KIF14: variants seen among roughly 807,000 people sequenced by gnomAD.
KIF14 encodes kinesin-like protein KIF14.
In KIF14, 98 loss-of-function variants were observed where a neutral mutation model predicts 176.2. The ratio of observed to expected loss-of-function variants is 0.56; its 90% CI spans 0.47 to 0.66. The LOEUF (loss-of-function observed/expected upper bound fraction) is 0.66, where lower values mean the gene tolerates loss of function less well. Ranked by LOEUF, KIF14 falls within the 30% of genes least tolerant of loss-of-function variation. KIF14 has a pLI of 0.00. For synonymous variants in KIF14, 566 were observed against 632.2 expected (o/e 0.90, Z 1.57); for missense variants, 1,751 against 1,920.4 (o/e 0.91, Z 1.65).
chr1:200,575,077 C>G (rs1214050492), intron 22 of KIF14, among the ~76,000 whole-genome samples: 2 of 151,446 alleles, frequency 1.3e-5, no homozygotes, highest in African/African-American at 4.9e-5. Flanking sequence ...CTGCCTAAGC[C>G]TCCCGAGTAG....
intron 14 of KIF14, among the ~76,000 whole-genome samples, chr1:200,596,561 C>CTTTTTT (rs60386347): frequency 2.1e-4 from 22 of 102,708 alleles, no homozygotes; most frequent in Middle Eastern, 5.6e-3. Flanking sequence ...GTACAACAGT[C>CTTTTTT]TTTTTTTTTT....
intron 15 of KIF14, among the ~76,000 whole-genome samples, 166 bp downstream of exon 15, chr1:200,593,501 T>A (rs897597289): frequency 6.6e-6 from 1 of 152,214 alleles, no homozygotes; most frequent in Non-Finnish European, 1.5e-5. Flanking sequence ...ATGTAACTTT[T>A]GTCTTTGCAC....
chr1:200,575,684 C>A lies in KIF14; in HGVS notation c.3473G>T (p.Gly1158Val). 2 of 1,529,968 alleles carry A rather than the reference C, an allele frequency of 1.3e-6. No individual in the cohort carries two copies. The highest frequency in any genetic ancestry group is 1.3e-5 in the South Asian group (1 of 76,906). 94.8% of individuals were successfully genotyped at this position (1,529,968 alleles called of 1,614,324 possible). A position where few individuals can be genotyped will look rare whatever the true frequency, so the allele number is the denominator to read the frequency against. The change falls in exon 22 of 30, where the codon GGT becomes GTT. Residue 1158 changes from glycine (G) to valine (V), a missense_variant. Physicochemically the swap from Gly to Val is moderately radical, Grantham distance 109. Coordinates refer to ENST00000367350, the MANE Select transcript of KIF14 (RefSeq NM_014875.3). The stretch of plus-strand genomic sequence containing the variant: ...AAAGGCATCTTCACCCCTGTTACTA[C>A]CATTACTCTAAGAAAAATATAATAT... ...AAMKELYESN[G>V]SNRGEDAFCD...
rs768964035 is a variant in KIF14, at chr1:200,615,348, A to G, written c.1367+7T>C. The G allele has an allele frequency of 1.2e-6, 2 of 1,606,932 alleles. No homozygotes were observed. Among genetic ancestry groups the G allele is most frequent in the Non-Finnish European group, 1.7e-6 (2 of 1,176,582 alleles). ...TTCTGGATAATTGCATTTCCAATACAACTTACGTATATGATTTTCCAGAGC... is the reference window on the plus strand; with the variant it reads ...TTCTGGATAATTGCATTTCCAATACGACTTACGTATATGATTTTCCAGAGC... On this transcript the variant is annotated splice_region_variant and intron_variant, in intron 3 of 29. Coordinates refer to ENST00000367350, the MANE Select transcript of KIF14 (RefSeq NM_014875.3).
rs35571944 is a variant in KIF14, at chr1:200,575,522, T to TACAC, written c.3566+65_3566+68dup. ...GAAATAATATATATGATATACAATT[T>TACAC]ACACACACACACACACACACACATG... On this transcript the variant is annotated intron_variant, in intron 22 of 29. Transcript: ENST00000367350. 213 of 625,962 alleles carry TACAC rather than the reference T, an allele frequency of 3.4e-4. 1 individual carries two copies. Among genetic ancestry groups the TACAC allele is most frequent in the East Asian group, 2.6e-3 (89 of 34,168 alleles). 38.8% of individuals were successfully genotyped at this position (625,962 alleles called of 1,614,324 possible).
intron 17 of KIF14, 54 bp from the exon 18 acceptor site, chr1:200,589,423 A>T: frequency 6.9e-7 from 1 of 1,446,584 alleles, no homozygotes; most frequent in East Asian, 2.3e-5. Flanking sequence ...GCAAAAAAGT[A>T]CAAAAGTCCC....
Position 200,565,220 on chromosome 1 carries a change from G to T in KIF14, c.3920C>A (p.Thr1307Asn), listed in dbSNP as rs763785465. The change falls in exon 25 of 30, where the codon ACT becomes AAT. Residue 1307 changes from threonine to asparagine, a missense_variant. By Grantham distance (65) the Thr-to-Asn change is moderately conservative. Transcript: ENST00000367350. ...FSSDRAIQSL[T>N]IQTACAFEQL... ...CTCAAAAGCACATGCAGTCTGAATAGTAAGTGACTGGATTGCTCGATCAGA... is the reference window on the plus strand; with the variant it reads ...CTCAAAAGCACATGCAGTCTGAATATTAAGTGACTGGATTGCTCGATCAGA... 3.7e-6 allele frequency: 6 copies of T among 1,610,042 alleles called. No homozygotes were observed. In the South Asian group the frequency reaches 6.7e-5, roughly 18 times the overall value.
chr1:200,600,602 T>G, intron 11 of KIF14, 99 bp from the exon 12 acceptor site: 7 of 791,784 alleles, frequency 8.8e-6, no homozygotes, highest in Non-Finnish European at 1.4e-5. Context: ...TTTGAAGTTT[T>G]AAATACAGTA....
intron 27 of KIF14, among the ~76,000 whole-genome samples, chr1:200,556,690 T>C (rs1178617419): frequency 1.3e-5 from 2 of 152,248 alleles, no homozygotes; most frequent in Admixed American, 1.3e-4. Flanking sequence ...ATATTTTTCA[T>C]TAATTTATTC....
At chr1:200,572,855 T>C (rs1657885689) in intron 22 of KIF14, among the ~76,000 whole-genome samples, 2 of 152,230 alleles carry the variant, frequency 1.3e-5, no homozygotes, top group South Asian at 4.1e-4. Context: ...TCAAGCTCTA[T>C]CTACCCAATT....
chr1:200,589,679 T>TTTC (rs1658951101), intron 17 of KIF14, among the ~76,000 whole-genome samples: 1 of 135,736 alleles, frequency 7.4e-6, no homozygotes, highest in African/African-American at 2.8e-5. Context: ...TTCTTTTTTT[T>TTTC]TTTTTTTTTT....
intron 4 of KIF14, among the ~76,000 whole-genome samples, chr1:200,612,373 TC>T (rs1660199734): frequency 6.6e-6 from 1 of 152,202 alleles, no homozygotes; most frequent in East Asian, 1.9e-4. Context: ...AATCTGAGCC[TC>T]CTAGTCCTTT....
intron 3 of KIF14, 23 bp downstream of exon 3, chr1:200,615,332 A>C: frequency 1.3e-6 from 2 of 1,598,134 alleles, no homozygotes; most frequent in Non-Finnish European, 1.7e-6. Flanking sequence ...CTTCTGGATA[A>C]TTGCATTTCC....
At chr1:200,560,443 T>A (rs1247330490) in intron 26 of KIF14, among the ~76,000 whole-genome samples, 1 of 152,108 alleles carries the variant, frequency 6.6e-6, no homozygotes, top group Non-Finnish European at 1.5e-5. Flanking sequence ...GGCTAACTTT[T>A]GTATTTTCAG....
intron 4 of KIF14, among the ~76,000 whole-genome samples, chr1:200,611,400 A>G (rs1450262673): frequency 6.6e-6 from 1 of 152,230 alleles, no homozygotes; most frequent in Non-Finnish European, 1.5e-5. Context: ...ACAAGGCAGA[A>G]TATAGCTGGT....
At chr1:200,593,047 A>C (rs888368843) in intron 15 of KIF14, among the ~76,000 whole-genome samples, 1 of 152,224 alleles carries the variant, frequency 6.6e-6, no homozygotes, top group African/African-American at 2.4e-5. Context: ...TACGATTCAC[A>C]ACAACTCAGT....
chr1:200,562,528 CA>C (rs1657220170), intron 25 of KIF14, among the ~76,000 whole-genome samples: 1 of 152,162 alleles, frequency 6.6e-6, no homozygotes, highest in South Asian at 2.1e-4. Context: ...TTTCAAGTGC[CA>C]GTAGTGAGTT....
Position 200,608,875 on chromosome 1 carries a change from G to T in KIF14, c.1509C>A (p.His503Gln), listed in dbSNP as rs541284078. 6.2e-7 allele frequency: 1 copy of T among 1,610,204 alleles called. No individual in the cohort carries two copies. Among genetic ancestry groups the T allele is most frequent in the South Asian group, 1.1e-5 (1 of 90,848 alleles). Residue 503 changes from histidine to glutamine, a missense_variant, in exon 5 of 30, where the codon CAC (histidine) becomes CAA (glutamine). Transcript: ENST00000367350. ...TTTCATCTTTACAAACCAGAAGGTC[G>T]TGAATTTTTTCATTATATACTTCAA... ...SFFEVYNEKI[H>Q]DLLVCKDENG...
chr1:200,589,158 G>A, intron 18 of KIF14, 59 bp downstream of exon 18: 1 of 1,350,886 alleles, frequency 7.4e-7, no homozygotes, highest in Non-Finnish European at 1.0e-6. Flanking sequence ...CCACTTCTTT[G>A]AAAAAAAAAA....
Sources: allele counts gnomAD v4.1 joint callset (sites outside exome capture counted in the v4.1 genomes callset), GRCh38; gene constraint gnomAD v4.1.1; transcripts MANE v1.5; gene names NCBI Gene and HGNC (gene_info 2026-07-23, HGNC 2026-07-21).